Variants in GSK3B observed in about 807,000 individuals in gnomAD.
GSK3B encodes the protein glycogen synthase kinase 3 beta, also known as glycogen synthase kinase-3 beta.
A neutral mutation model predicts 56.4 loss-of-function variants in GSK3B; 15 were observed. The observed-to-expected ratio is 0.27, with a 90% CI of 0.18 to 0.41. GSK3B has a LOEUF of 0.41. GSK3B is among the 10% of genes least tolerant of loss of function. The probability of loss-of-function intolerance (pLI) is 1.00; values close to 1 mark genes in which losing one functional copy is unlikely to be tolerated. For missense variants in GSK3B, 300 were observed against 513.4 expected (o/e 0.58, Z 4.02); for synonymous variants, 181 against 188.9 (o/e 0.96, Z 0.34).
chr3:119,880,909 C>T (rs986870079), intron 7 of GSK3B, among the ~76,000 whole-genome samples: 11 of 152,064 alleles, frequency 7.2e-5, no homozygotes, highest in South Asian at 2.1e-4. Context: ...CAAACAACAG[C>T]GGCAATGACA....
At chr3:119,831,054 T>C (rs1041947493) in intron 10 of GSK3B, among the ~76,000 whole-genome samples, 5 of 152,204 alleles carry the variant, frequency 3.3e-5, no homozygotes, top group South Asian at 2.1e-4. Context: ...TTTGCAGTCA[T>C]GTCATTTAGC....
intron 1 of GSK3B, among the ~76,000 whole-genome samples, chr3:120,083,382 G>T (rs2058438240): frequency 1.3e-5 from 2 of 152,048 alleles, no homozygotes; most frequent in Admixed American, 1.3e-4. Flanking sequence ...TTGGACGAGG[G>T]CTCCAGGAAA....
At chr3:119,877,886 CCA>C (rs1371254016) in intron 7 of GSK3B, among the ~76,000 whole-genome samples, 1 of 152,074 alleles carries the variant, frequency 6.6e-6, no homozygotes, top group East Asian at 1.9e-4. Flanking sequence ...AAGAGAAATA[CCA>C]CATATTACTC....
At chr3:119,892,161 T>C (rs762843018) in intron 7 of GSK3B, among the ~76,000 whole-genome samples, 23 of 152,174 alleles carry the variant, frequency 1.5e-4, no homozygotes, top group Admixed American at 3.3e-4. Context: ...GGTGCATGTG[T>C]AGCCTTTAAG....
At chr3:119,970,814 A>C (rs1220277761) in intron 2 of GSK3B, among the ~76,000 whole-genome samples, 2 of 151,612 alleles carry the variant, frequency 1.3e-5, no homozygotes, top group African/African-American at 2.4e-5. Flanking sequence ...AACAAAAAAA[A>C]CAAAAAATAA....
intron 7 of GSK3B, among the ~76,000 whole-genome samples, chr3:119,881,111 A>T (rs1484605131): frequency 6.6e-6 from 1 of 152,204 alleles, no homozygotes; most frequent in African/African-American, 2.4e-5. Context: ...ATAGTCATAC[A>T]ATAGCATACT....
chr3:119,866,007 C>G (rs1233756979), intron 8 of GSK3B, among the ~76,000 whole-genome samples: 3 of 152,062 alleles, frequency 2.0e-5, no homozygotes, highest in Non-Finnish European at 4.4e-5. Context: ...TTGAGAGATT[C>G]TTGATGAGAA....
intron 2 of GSK3B, among the ~76,000 whole-genome samples, chr3:120,000,474 T>C (rs1201655760): frequency 2.0e-5 from 3 of 152,208 alleles, no homozygotes; most frequent in Non-Finnish European, 2.9e-5. Context: ...TTACAGCAGA[T>C]GGACACTAGA....
At chr3:119,974,623 C>T (rs1332686852) in intron 2 of GSK3B, among the ~76,000 whole-genome samples, 1 of 152,158 alleles carries the variant, frequency 6.6e-6, no homozygotes, top group African/African-American at 2.4e-5. Flanking sequence ...ATAACCCACC[C>T]ATGTTTATGG....
At chr3:119,920,200 A>T (rs1559836949) in intron 4 of GSK3B, among the ~76,000 whole-genome samples, 1 of 152,184 alleles carries the variant, frequency 6.6e-6, no homozygotes, top group Non-Finnish European at 1.5e-5. Flanking sequence ...AAGTAAACTG[A>T]AACAAACAAA....
intron 1 of GSK3B, among the ~76,000 whole-genome samples, chr3:120,044,262 C>T (rs916665218): frequency 3.3e-5 from 5 of 152,190 alleles, no homozygotes; most frequent in Admixed American, 6.5e-5. Context: ...GTGTCTCTCA[C>T]GGAATGGGAA....
intron 2 of GSK3B, among the ~76,000 whole-genome samples, chr3:119,977,786 T>G (rs931442650): frequency 1.3e-5 from 2 of 152,108 alleles, no homozygotes; most frequent in Non-Finnish European, 2.9e-5. Context: ...GGGAAAAAAT[T>G]TGACGTATAG....
At chr3:120,039,216 C>A (rs1166595162) in intron 1 of GSK3B, among the ~76,000 whole-genome samples, 1 of 152,206 alleles carries the variant, frequency 6.6e-6, no homozygotes, top group Non-Finnish European at 1.5e-5. Context: ...AAATGTGAGG[C>A]AACAGGAACT....
At chr3:119,941,369 TA>T (rs1320819909) in intron 3 of GSK3B, among the ~76,000 whole-genome samples, 2 of 152,194 alleles carry the variant, frequency 1.3e-5, no homozygotes, top group East Asian at 1.9e-4. Flanking sequence ...TTTACTAAGA[TA>T]TTTTTTAATG....
At chr3:119,861,162 A>G (rs2056096015) in intron 9 of GSK3B, among the ~76,000 whole-genome samples, 1 of 152,150 alleles carries the variant, frequency 6.6e-6, no homozygotes. Flanking sequence ...AAACAAGATC[A>G]CCATTTGGAA....
chr3:119,927,798 C>T (rs980384522), intron 3 of GSK3B, among the ~76,000 whole-genome samples: 3 of 151,824 alleles, frequency 2.0e-5, no homozygotes, highest in African/African-American at 7.3e-5. Context: ...AGTATGGAAT[C>T]CTGAAAAACA....
At position 119,870,272 on chromosome 3, in the gene GSK3B, C is replaced by T. The variant is rs149810170; in HGVS notation, c.909+6141G>A. On this transcript the variant is annotated intron_variant, in intron 8 of 10. Transcript: ENST00000264235. ...TTAAGTATACGGTTACATAGTATCT[C>T]ACATTATTCAATACTTGCTTCAACT... 9.8e-5 allele frequency among the ~76,000 whole-genome samples: 15 copies of T among 152,296 alleles called. No individual in the cohort carries two copies. The East Asian group carries it at 2.9e-3, about 29-fold the overall frequency.
At chr3:120,000,844 G>A (rs1341956601) in intron 2 of GSK3B, among the ~76,000 whole-genome samples, 4 of 146,138 alleles carry the variant, frequency 2.7e-5, no homozygotes, top group African/African-American at 5.0e-5. Flanking sequence ...AAAAAGTTAC[G>A]AGAAAAATGG....
chr3:119,888,828 C>T lies in GSK3B; in HGVS notation c.814-12320G>A, dbSNP rs367817337. Among the ~76,000 whole-genome samples, 130 of 152,084 alleles carry T rather than the reference C, an allele frequency of 8.5e-4. No individual in the cohort carries two copies. In the East Asian group the frequency reaches 9.9e-3, roughly 12 times the overall value. ...GCATTCCTTGGGGGAGGTCTATAAA[C>T]GGCTGCTCTGGGAGTGTCTGTCTTA... is the stretch of plus-strand genomic sequence containing the variant. On this transcript the variant is annotated intron_variant, in intron 7 of 10. Coordinates refer to ENST00000264235, the MANE Select transcript of GSK3B (RefSeq NM_001146156.2).
Sources: gnomAD v4.1 joint callset for allele counts (sites outside exome capture counted in the v4.1 genomes callset) on GRCh38, gnomAD v4.1.1 for gene constraint, MANE v1.5 for transcripts, NCBI Gene and HGNC (gene_info 2026-07-23, HGNC 2026-07-21) for gene names.